The following MTHFD1L variants were observed in gnomAD, a reference collection of about 807,000 sequenced individuals.
The protein encoded by MTHFD1L is monofunctional C1-tetrahydrofolate synthase, mitochondrial.
In MTHFD1L, 81 loss-of-function variants were observed where a neutral mutation model predicts 119.5. That is an observed-to-expected ratio of 0.68 (90% CI 0.57 to 0.82). The LOEUF (loss-of-function observed/expected upper bound fraction) is 0.82, where lower values mean the gene tolerates loss of function less well. MTHFD1L is among the 40% of genes least tolerant of loss of function. MTHFD1L has a pLI of 0.00. For missense variants in MTHFD1L, 1,125 were observed against 1,253.4 expected (o/e 0.90, Z 1.55); for synonymous variants, 430 against 475.2 (o/e 0.90, Z 1.24).
At chr6:150,877,856 T>C (rs1286516640) in intron 4 of MTHFD1L, 30 bp downstream of exon 4, 1 of 1,613,770 alleles carries the variant, frequency 6.2e-7, no homozygotes, top group East Asian at 2.2e-5. Context: ...AAACTCTTGC[T>C]TCTTCTTTCC....
chr6:150,943,802 A>G (rs1256100040), intron 13 of MTHFD1L, among the ~76,000 whole-genome samples: 1 of 152,256 alleles, frequency 6.6e-6, no homozygotes, highest in East Asian at 1.9e-4. Context: ...CTGGAAGGAA[A>G]ATAACAGAAT....
In MTHFD1L at chr6:150,967,169, C is replaced by T. The variant is rs200924786; in HGVS notation, c.2013+2132C>T. Among the ~76,000 whole-genome samples the T allele has an allele frequency of 9.8e-5, 15 of 152,354 alleles. No homozygotes were observed. The East Asian group carries it at 2.9e-3, about 29-fold the overall frequency. On this transcript the variant is annotated intron_variant, in intron 19 of 27. Coordinates refer to ENST00000367321, the MANE Select transcript of MTHFD1L (RefSeq NM_015440.5). ...CAGCTCTTGTCTGTCACTGGGGTCT[C>T]CATGTTAACTGACCTCGGGTTCCAC...
chr6:151,089,402 G>A (rs1562649253), intron 26 of MTHFD1L, among the ~76,000 whole-genome samples: 1 of 152,164 alleles, frequency 6.6e-6, no homozygotes, highest in Non-Finnish European at 1.5e-5. Flanking sequence ...AGGAGTTTGA[G>A]ACCAGCCTAG....
At chr6:150,878,807 T>C (rs1025247644) in intron 4 of MTHFD1L, among the ~76,000 whole-genome samples, 1 of 152,158 alleles carries the variant, frequency 6.6e-6, no homozygotes, top group African/African-American at 2.4e-5. Context: ...TGGTGAGTCT[T>C]ATTTGAGTCC....
intron 20 of MTHFD1L, among the ~76,000 whole-genome samples, chr6:150,977,645 G>A (rs1776774972): frequency 6.6e-6 from 1 of 152,204 alleles, no homozygotes; most frequent in African/African-American, 2.4e-5. Flanking sequence ...TAAACTATTT[G>A]TAGGAATTTC....
At chr6:150,866,113 G>A in intron 1 of MTHFD1L, 64 bp downstream of exon 1, 2 of 1,464,710 alleles carry the variant, frequency 1.4e-6, no homozygotes, top group Non-Finnish European at 1.8e-6. Context: ...CAGGGGCGGA[G>A]CGCCCGGGAC....
chr6:151,066,626 G>A (rs1246658209), intron 26 of MTHFD1L, among the ~76,000 whole-genome samples: 1 of 151,552 alleles, frequency 6.6e-6, no homozygotes, highest in African/African-American at 2.4e-5. Context: ...TTAGCCAGGC[G>A]TGGTGGCAGG....
At chr6:151,014,030 C>T (rs1782661087) in intron 22 of MTHFD1L, among the ~76,000 whole-genome samples, 2 of 142,546 alleles carry the variant, frequency 1.4e-5, no homozygotes, top group Non-Finnish European at 2.9e-5. Flanking sequence ...CAGGCAAAAC[C>T]CATGGCCAAC....
chr6:150,889,365 T>C lies in MTHFD1L; in HGVS notation c.780+1384T>C, dbSNP rs1479952314. Among the ~76,000 whole-genome samples, 3 of 152,302 alleles carry C rather than the reference T, an allele frequency of 2.0e-5. No individual in the cohort carries two copies. The East Asian group carries it at 5.8e-4, about 29-fold the overall frequency. ...ATATAGGCGTATGCATTTAAGAGGTTGGCGTTGGAAGGATAGCTTAAGAGA... is the reference window on the plus strand; with the variant it reads ...ATATAGGCGTATGCATTTAAGAGGTCGGCGTTGGAAGGATAGCTTAAGAGA... On this transcript the variant is annotated intron_variant, in intron 7 of 27. Coordinates refer to ENST00000367321, the MANE Select transcript of MTHFD1L (RefSeq NM_015440.5).
At chr6:150,946,336 G>A (rs1356416477) in intron 15 of MTHFD1L, among the ~76,000 whole-genome samples, 2 of 152,228 alleles carry the variant, frequency 1.3e-5, no homozygotes, top group African/African-American at 4.8e-5. Context: ...TTTCAGTACA[G>A]ATGGGATTTC....
At chr6:150,930,124 G>A (rs764577036) in intron 11 of MTHFD1L, among the ~76,000 whole-genome samples, 15 of 152,014 alleles carry the variant, frequency 9.9e-5, no homozygotes, top group Non-Finnish European at 1.6e-4. Flanking sequence ...CCTAAAGTGG[G>A]CCTGGCATGA....
In MTHFD1L at chr6:151,013,839, A is replaced by G. The variant is rs1782636079; in HGVS notation, c.2307+19A>G. 1.2e-6 allele frequency: 2 copies of G among 1,604,314 alleles called. No individual in the cohort carries two copies. Among genetic ancestry groups the G allele is most frequent in the Non-Finnish European group, 1.7e-6 (2 of 1,173,128 alleles). On this transcript the variant is annotated intron_variant, in intron 22 of 27. Transcript: ENST00000367321. ...AGAGGAGGTAAGAGGAGCTGTTTAG[A>G]TGCTTATGTGAAGAATCTCTTAAAT... is the stretch of plus-strand genomic sequence containing the variant.
intron 20 of MTHFD1L, among the ~76,000 whole-genome samples, chr6:151,002,514 G>A (rs1000407560): frequency 2.0e-5 from 3 of 152,132 alleles, no homozygotes; most frequent in Non-Finnish European, 2.9e-5. Context: ...AGCTGCCGCC[G>A]CCCATGCTGC....
intron 20 of MTHFD1L, among the ~76,000 whole-genome samples, chr6:150,987,897 A>T (rs537773950): frequency 6.6e-6 from 1 of 152,360 alleles, no homozygotes; most frequent in African/African-American, 2.4e-5. Flanking sequence ...TAAATCAGGT[A>T]AAAGAGTAAT....
chr6:151,024,820 T>G (rs986151729), intron 24 of MTHFD1L, among the ~76,000 whole-genome samples: 3 of 152,120 alleles, frequency 2.0e-5, no homozygotes, highest in Admixed American at 6.5e-5. Context: ...CCTGTTTTTT[T>G]TGTGTGTGTT....
At chr6:151,064,789 G>T (rs1366047201) in intron 26 of MTHFD1L, among the ~76,000 whole-genome samples, 1 of 147,794 alleles carries the variant, frequency 6.8e-6, no homozygotes, top group African/African-American at 2.5e-5. Context: ...TTCTTTTTTT[G>T]TTTTTTTTTT....
In MTHFD1L at chr6:150,865,852, C is replaced by A; in HGVS notation, c.30C>A (p.Arg10=). ...GCACGCGTCTGCCGCTCGTCCTGCG[C>A]CAGCTCCGCCGCCCGCCCCAGCCCC... MGTRLPLVL[R]QLRRPPQPPG... The change falls in exon 1 of 28, where the codon CGC becomes CGA. Residue 10 remains arginine, a synonymous_variant. Transcript: ENST00000367321. 8.1e-7 allele frequency: 1 copy of A among 1,228,470 alleles called. No homozygotes were observed. Among genetic ancestry groups the A allele is most frequent in the South Asian group, 2.5e-5 (1 of 39,222 alleles). The allele number at this position is 1,228,470 out of a possible 1,614,324, so 76.1% of individuals were successfully genotyped here.
At chr6:150,959,323 T>C (rs1796097701) in intron 17 of MTHFD1L, 13 of 447,730 alleles carry the variant, frequency 2.9e-5, no homozygotes, top group Non-Finnish European at 2.9e-5. Flanking sequence ...TGCGTAAGCT[T>C]GAACTTGTCT....
chr6:151,058,733 T>G (rs1022545275), intron 26 of MTHFD1L, among the ~76,000 whole-genome samples: 1 of 152,232 alleles, frequency 6.6e-6, no homozygotes, highest in Non-Finnish European at 1.5e-5. Flanking sequence ...CACGTGCACA[T>G]CAGTCAGGGA....
Sources: allele counts gnomAD v4.1 joint callset (sites outside exome capture counted in the v4.1 genomes callset), GRCh38; gene constraint gnomAD v4.1.1; transcripts MANE v1.5; gene names NCBI Gene and HGNC (gene_info 2026-07-23, HGNC 2026-07-21).